MET: variants seen among roughly 807,000 people sequenced by gnomAD.
MET encodes hepatocyte growth factor receptor.
A neutral mutation model predicts 133.1 loss-of-function variants in MET; 48 were observed. The observed-to-expected ratio is 0.36, with a 90% CI of 0.29 to 0.46. The LOEUF is 0.46. Among genes scored for constraint, MET ranks in the 20% least tolerant of loss-of-function variants. The pLI is 1.00. For synonymous variants in MET, 628 were observed against 616.5 expected (o/e 1.02, Z -0.28); for missense variants, 1,442 against 1,695.9 (o/e 0.85, Z 2.63).
In MET at chr7:116,736,634, C is replaced by T. The variant is rs371983332; in HGVS notation, c.1393-3316C>T. On this transcript the variant is annotated intron_variant, in intron 3 of 20. Transcript: ENST00000397752. ...TTTATTTGTACATGTATTTCTTCCC[C>T]ATGTCCTATCTACAAGGGGCTATGT... Among the ~76,000 whole-genome samples, 76 of 152,296 alleles carry T rather than the reference C, an allele frequency of 5.0e-4. No individual in the cohort carries two copies. The East Asian group carries it at 0.012, about 24-fold the overall frequency.
Position 116,754,983 on chromosome 7 carries a change from GGAAAGAAA to G in MET, c.1702-319_1702-312del, listed in dbSNP as rs10674901. On this transcript the variant is annotated intron_variant, in intron 5 of 20. Transcript: ENST00000397752. Reference sequence around the variant, plus strand: ...AAAGAGAAGGAAGGAAGCAGAGAAAGGAAAGAAAGAAAGAAAGAAAGAAAGAAAGAAAG... The same window carrying G: ...AAAGAGAAGGAAGGAAGCAGAGAAAGGAAAGAAAGAAAGAAAGAAAGAAAG... Among the ~76,000 whole-genome samples, 518 of 78,706 alleles carry G rather than the reference GGAAAGAAA, an allele frequency of 6.6e-3. 5 individuals are homozygous for G. The highest frequency in any genetic ancestry group is 0.024 in the Middle Eastern group (4 of 164). 51.6% of individuals were successfully genotyped at this position (78,706 alleles called of 152,430 possible).
At chr7:116,771,425 A>G in intron 12 of MET, 73 bp from the exon 13 acceptor site, 2 of 1,579,364 alleles carry the variant, frequency 1.3e-6, no homozygotes, top group Non-Finnish European at 8.7e-7. Flanking sequence ...TTGGGACCCA[A>G]AGTGCTACAA....
intron 1 of MET, among the ~76,000 whole-genome samples, chr7:116,682,333 G>A (rs1796391662): frequency 6.6e-6 from 1 of 151,938 alleles, no homozygotes; most frequent in Non-Finnish European, 1.5e-5. Flanking sequence ...TCCCTAAATG[G>A]GTTTTAATTT....
chr7:116,747,465 G>A (rs1170064943), intron 5 of MET, among the ~76,000 whole-genome samples: 2 of 152,052 alleles, frequency 1.3e-5, no homozygotes, highest in Non-Finnish European at 2.9e-5. Context: ...AAAAAAGCAG[G>A]GGTTGCAATC....
At chr7:116,751,918 A>G (rs1218840974) in intron 5 of MET, among the ~76,000 whole-genome samples, 1 of 151,980 alleles carries the variant, frequency 6.6e-6, no homozygotes, top group Non-Finnish European at 1.5e-5. Context: ...AAAATTAGCT[A>G]GGCATGGTGG....
intron 2 of MET, among the ~76,000 whole-genome samples, chr7:116,710,559 T>C (rs1791957400): frequency 6.6e-6 from 1 of 152,216 alleles, no homozygotes; most frequent in Non-Finnish European, 1.5e-5. Flanking sequence ...CTGTCTCCAT[T>C]TGTTTTTAGT....
rs2116983676 is a variant in MET at position 116,769,727 on chromosome 7, C to G, written c.2666C>G (p.Ser889Cys). ...NKSCENIHLH[S>C]EAVLCTVPND... ...AGCTGTGAGAATATACACTTACATT[C>G]TGAAGCCGTTTTATGCACGGTCCCC... The change falls in exon 12 of 21, where the codon TCT becomes TGT. Residue 889 changes from serine to cysteine, a missense_variant. Coordinates refer to ENST00000397752, the MANE Select transcript of MET (RefSeq NM_000245.4). 6.2e-7 allele frequency: 1 copy of G among 1,612,894 alleles called. No individual in the cohort carries two copies. The highest frequency in any genetic ancestry group is 8.5e-7 in the Non-Finnish European group (1 of 1,179,762).
In MET at chr7:116,674,172, C is replaced by T. The variant is rs543819035; in HGVS notation, c.-15+1595C>T. Among the ~76,000 whole-genome samples, 56 of 152,278 alleles carry T rather than the reference C, an allele frequency of 3.7e-4. 1 individual carries two copies. In the South Asian group the frequency reaches 3.9e-3, roughly 11 times the overall value. ...TTTCAAAATTGCTTTGTTCTTGATACATGGCAGTAGGGGTTTACATTAGAT... is the reference window on the plus strand; with the variant it reads ...TTTCAAAATTGCTTTGTTCTTGATATATGGCAGTAGGGGTTTACATTAGAT... On this transcript the variant is annotated intron_variant, in intron 1 of 20. Coordinates refer to ENST00000397752, the MANE Select transcript of MET (RefSeq NM_000245.4).
At chr7:116,793,146 A>G (rs1254025252) in intron 19 of MET, among the ~76,000 whole-genome samples, 1 of 150,136 alleles carries the variant, frequency 6.7e-6, no homozygotes, top group Admixed American at 6.6e-5. Flanking sequence ...GAACTCAGCC[A>G]TGTCCCATTG....
intron 11 of MET, among the ~76,000 whole-genome samples, chr7:116,766,395 G>C (rs943454637): frequency 6.6e-6 from 1 of 152,154 alleles, no homozygotes; most frequent in African/African-American, 2.4e-5. Flanking sequence ...GTCATCACAG[G>C]AACAAATGCT....
intron 3 of MET, among the ~76,000 whole-genome samples, chr7:116,734,192 C>A (rs1793126341): frequency 6.6e-6 from 1 of 152,116 alleles, no homozygotes; most frequent in East Asian, 1.9e-4. Flanking sequence ...TTAGTAAATA[C>A]GATGAAGTTT....
Position 116,699,934 on chromosome 7 carries a change from A to G in MET, c.850A>G (p.Ile284Val), listed in dbSNP as rs776014448. ...FHTRIIRFCS[I>V]NSGLHSYMEM... is the part of the protein sequence containing the mutation. ...CACAAGAATAATCAGGTTCTGTTCC[A>G]TAAACTCTGGATTGCATTCCTACAT... is the stretch of plus-strand genomic sequence containing the variant. The change falls in exon 2 of 21, where the codon ATA (isoleucine) becomes GTA (valine). Residue 284 changes from isoleucine (I) to valine (V), a missense_variant. By Grantham distance (29) the Ile-to-Val change is conservative. Around this residue, in one of 6 missense-constraint regions of MET, gnomAD observed 762 missense variants for 792.4 expected, o/e 0.96. Transcript: ENST00000397752. 3 of 1,614,114 alleles carry G rather than the reference A, an allele frequency of 1.9e-6. No individual in the cohort carries two copies. Among genetic ancestry groups the G allele is most frequent in the East Asian group, 2.2e-5 (1 of 44,876 alleles).
intron 2 of MET, among the ~76,000 whole-genome samples, chr7:116,714,774 C>CAA (rs1379654139): frequency 1.3e-5 from 2 of 151,578 alleles, no homozygotes; most frequent in Non-Finnish European, 2.9e-5. Context: ...CACACACACA[C>CAA]ACAGGCCACA....
chr7:116,713,410 A>G (rs902611764), intron 2 of MET, among the ~76,000 whole-genome samples: 2 of 150,150 alleles, frequency 1.3e-5, no homozygotes, highest in African/African-American at 5.0e-5. Flanking sequence ...AAAAAAAAAA[A>G]GGAAAAGAAG....
intron 1 of MET, among the ~76,000 whole-genome samples, chr7:116,674,068 AGTTATT>A (rs1796068808): frequency 6.6e-6 from 1 of 152,246 alleles, no homozygotes; most frequent in Non-Finnish European, 1.5e-5. Context: ...TATAAGCTAT[AGTTATT>A]AACTTAAATA....
At chr7:116,733,397 T>C (rs1311389149) in intron 3 of MET, among the ~76,000 whole-genome samples, 1 of 152,056 alleles carries the variant, frequency 6.6e-6, no homozygotes, top group Non-Finnish European at 1.5e-5. Context: ...CAGTTTTGTA[T>C]GAATAAGCTT....
At position 116,774,906 on chromosome 7, in the gene MET, C is replaced by A. The variant is rs369148519; in HGVS notation, c.3054C>A (p.Asn1018Lys). 6.2e-7 allele frequency: 1 copy of A among 1,614,076 alleles called. No individual in the cohort carries two copies. The change falls in exon 15 of 21, where the codon AAC (asparagine) becomes AAA (lysine). Residue 1018 changes from asparagine to lysine, a missense_variant. Transcript: ENST00000397752. ...PEDQFPNSSQ[N>K]GSCRQVQYPL... is the part of the protein sequence containing the mutation. ...ATCAGTTTCCTAATTCATCTCAGAACGGTTCATGCCGACAAGTGCAGTATC... is the reference window on the plus strand; with the variant it reads ...ATCAGTTTCCTAATTCATCTCAGAAAGGTTCATGCCGACAAGTGCAGTATC...
At chr7:116,762,870 G>T (rs1794447893) in intron 10 of MET, among the ~76,000 whole-genome samples, 180 bp from the exon 11 acceptor site, 2 of 152,182 alleles carry the variant, frequency 1.3e-5, no homozygotes, top group South Asian at 2.1e-4. Flanking sequence ...AGGGTGGGTT[G>T]TTTGGATAAT....
chr7:116,756,965 A>G (rs1219934595), intron 6 of MET, among the ~76,000 whole-genome samples: 1 of 152,174 alleles, frequency 6.6e-6, no homozygotes, highest in Non-Finnish European at 1.5e-5. Flanking sequence ...GCAGTGGCTT[A>G]CGCCTGTGAT....
Sources: allele counts gnomAD v4.1 joint callset (sites outside exome capture counted in the v4.1 genomes callset), GRCh38; gene constraint gnomAD v4.1.1; regional missense constraint gnomAD v4.1.1; transcripts MANE v1.5; gene names NCBI Gene and HGNC (gene_info 2026-07-23, HGNC 2026-07-21).